CERT1: variants seen among roughly 807,000 people sequenced by gnomAD.
The protein encoded by CERT1 is ceramide transfer protein.
In CERT1, 31 loss-of-function variants were observed where a neutral mutation model predicts 87.9. The ratio of observed to expected loss-of-function variants is 0.35; its 90% CI spans 0.27 to 0.48. The LOEUF (loss-of-function observed/expected upper bound fraction) is 0.48, where lower values mean the gene tolerates loss of function less well. CERT1 is among the 20% of genes least tolerant of loss of function. CERT1 has a pLI of 0.99. For synonymous variants in CERT1, 289 were observed against 250.9 expected, an observed-to-expected ratio of 1.15 and a Z score of -1.44; for missense variants, 487 against 758.0, an observed-to-expected ratio of 0.64 and a Z score of 4.20.
chr5:75,491,445 A>G (rs896778439), intron 2 of CERT1, among the ~76,000 whole-genome samples: 3 of 152,060 alleles, frequency 2.0e-5, no homozygotes, highest in Non-Finnish European at 4.4e-5. Flanking sequence ...TAAAGTACTT[A>G]TACTTTGAAA....
intron 2 of CERT1, among the ~76,000 whole-genome samples, chr5:75,496,142 CA>C (rs1767056234): frequency 6.6e-6 from 1 of 151,756 alleles, no homozygotes; most frequent in Admixed American, 6.6e-5. Flanking sequence ...AACATTAAGA[CA>C]ACAAACACAA....
intron 3 of CERT1, among the ~76,000 whole-genome samples, chr5:75,434,711 C>T (rs1210905839): frequency 5.9e-5 from 9 of 151,456 alleles, no homozygotes; most frequent in African/African-American, 1.9e-4. Context: ...CATTTACTTC[C>T]TGGTCAAACC....
At chr5:75,370,930 T>G (rs1761059882) in intron 17 of CERT1, 1 of 129,760 alleles carries the variant, frequency 7.7e-6, no homozygotes, top group African/African-American at 3.1e-5. Flanking sequence ...CCAGCCTGGG[T>G]GACAAAGCAA....
intron 2 of CERT1, among the ~76,000 whole-genome samples, chr5:75,504,742 T>C (rs971809659): frequency 2.0e-5 from 3 of 150,764 alleles, no homozygotes; most frequent in Admixed American, 6.6e-5. Flanking sequence ...TGTCTGGCCT[T>C]AGCCAACACT....
At chr5:75,471,621 T>C (rs1397887739) in intron 2 of CERT1, among the ~76,000 whole-genome samples, 1 of 151,934 alleles carries the variant, frequency 6.6e-6, no homozygotes, top group Non-Finnish European at 1.5e-5. Context: ...TAGCTGGGCA[T>C]GGTGGCGCAT....
intron 2 of CERT1, among the ~76,000 whole-genome samples, chr5:75,478,052 C>T (rs570137918): frequency 1.3e-5 from 2 of 152,098 alleles, no homozygotes; most frequent in African/African-American, 2.4e-5. Context: ...GTGACTCACG[C>T]CTGTAATCCC....
chr5:75,435,512 C>T (rs1051643789), intron 3 of CERT1, among the ~76,000 whole-genome samples: 1 of 152,196 alleles, frequency 6.6e-6, no homozygotes, highest in African/African-American at 2.4e-5. Flanking sequence ...TTTAGAGTTG[C>T]TAGACTTCTT....
intron 2 of CERT1, among the ~76,000 whole-genome samples, chr5:75,464,644 T>C (rs1020104190): frequency 2.6e-5 from 4 of 152,156 alleles, no homozygotes; most frequent in African/African-American, 9.7e-5. Flanking sequence ...GGTGCAATCT[T>C]GGCTCACTGC....
intron 3 of CERT1, among the ~76,000 whole-genome samples, chr5:75,448,918 G>T (rs1396078950): frequency 6.6e-6 from 1 of 152,138 alleles, no homozygotes; most frequent in East Asian, 1.9e-4. Flanking sequence ...ACGAAAAAAG[G>T]ATAGAGAAAT....
chr5:75,370,789 T>C (rs900325547), intron 17 of CERT1: 3 of 151,860 alleles, frequency 2.0e-5, no homozygotes, highest in Non-Finnish European at 2.9e-5. Flanking sequence ...CTGTCTCTAC[T>C]AAAAATACAA....
chr5:75,429,843 G>GAAAAAAAAAAAAAAAAAAAAAGGA (rs112893256), intron 3 of CERT1, among the ~76,000 whole-genome samples: 1 of 115,506 alleles, frequency 8.7e-6, no homozygotes, highest in Non-Finnish European at 1.9e-5. Flanking sequence ...AAGAAAAAAT[G>GAAAAAAAAAAAAAAAAAAAAAGGA]AAAAAAAAAA....
chr5:75,470,942 A>G (rs1397595194), intron 2 of CERT1, among the ~76,000 whole-genome samples: 2 of 152,218 alleles, frequency 1.3e-5, no homozygotes, highest in African/African-American at 2.4e-5. Flanking sequence ...TACACTAACA[A>G]TGAACTATCT....
Position 75,466,346 on chromosome 5 carries a change from A to G in CERT1, c.232-7165T>C, listed in dbSNP as rs145956306. ...AGGTTCTTTTAAAACTCCCTGGACC[A>G]GCTTCATCTAGATACCTCAGAGATG... On this transcript the variant is annotated intron_variant, in intron 2 of 16. Coordinates refer to ENST00000643780, the MANE Select transcript of CERT1 (RefSeq NM_001379029.1). Among the ~76,000 whole-genome samples the G allele has an allele frequency of 2.1e-3, 315 of 152,316 alleles. 1 individual carries two copies. In the East Asian group the frequency reaches 0.027, roughly 13 times the overall value.
At position 75,411,007 on chromosome 5, in the gene CERT1, A is replaced by C; in HGVS notation, c.930+4T>G. On this transcript the variant is annotated splice_donor_region_variant and intron_variant, in intron 8 of 16. Transcript: ENST00000643780. ...TTCTCTAAGATCAAAATATAAATTCATACTTCATAATCTGGTCCTCCAAAG... is the reference window on the plus strand; with the variant it reads ...TTCTCTAAGATCAAAATATAAATTCCTACTTCATAATCTGGTCCTCCAAAG... 2 of 1,483,734 alleles carry C rather than the reference A, an allele frequency of 1.3e-6. No homozygotes were observed. Among genetic ancestry groups the C allele is most frequent in the Non-Finnish European group, 1.9e-6 (2 of 1,079,302 alleles). 91.9% of individuals were successfully genotyped at this position (1,483,734 alleles called of 1,614,324 possible). A position where few individuals can be genotyped will look rare whatever the true frequency, so the allele number is the denominator to read the frequency against.
chr5:75,418,730 G>T (rs770104530), intron 6 of CERT1, among the ~76,000 whole-genome samples: 4 of 152,010 alleles, frequency 2.6e-5, no homozygotes, highest in Non-Finnish European at 4.4e-5. Context: ...GGCAAAAAAA[G>T]AATACATACT....
intron 14 of CERT1, among the ~76,000 whole-genome samples, chr5:75,383,388 C>G (rs1761663603): frequency 1.3e-5 from 2 of 152,012 alleles, no homozygotes. Flanking sequence ...TAGCAGAATA[C>G]CTTCAGCAGA....
At chr5:75,417,641 A>C (rs1763192676) in intron 6 of CERT1, among the ~76,000 whole-genome samples, 1 of 152,240 alleles carries the variant, frequency 6.6e-6, no homozygotes, top group East Asian at 1.9e-4. Context: ...TAAATGAAAT[A>C]ATGTCAATTT....
chr5:75,396,610 T>C (rs1762263976), intron 11 of CERT1, among the ~76,000 whole-genome samples: 1 of 151,146 alleles, frequency 6.6e-6, no homozygotes, highest in Admixed American at 6.6e-5. Context: ...GTGCCTGTAA[T>C]CCCAGCTACT....
intron 2 of CERT1, among the ~76,000 whole-genome samples, chr5:75,474,961 A>T (rs948759625): frequency 6.6e-5 from 10 of 151,978 alleles, no homozygotes; most frequent in Non-Finnish European, 1.5e-4. Flanking sequence ...TCCACTGGGC[A>T]GGCTAATGAC....
Sources: allele counts gnomAD v4.1 joint callset (sites outside exome capture counted in the v4.1 genomes callset), GRCh38; gene constraint gnomAD v4.1.1; transcripts MANE v1.5; gene names NCBI Gene and HGNC (gene_info 2026-07-23, HGNC 2026-07-21).